OTOGL: variants seen among roughly 807,000 people sequenced by gnomAD.
OTOGL encodes the protein otogelin-like protein.
In OTOGL, 285 loss-of-function variants were observed where a neutral mutation model predicts 318.5. That is an observed-to-expected ratio of 0.89 (90% confidence interval 0.81 to 0.99). The LOEUF is 0.99. OTOGL is among the 50% of genes least tolerant of loss of function. OTOGL has a pLI of 0.00. For missense variants in OTOGL, 2,899 were observed against 2,845.6 expected, an observed-to-expected ratio of 1.02 and a Z score of -0.43; for synonymous variants, 987 against 936.5, an observed-to-expected ratio of 1.05 and a Z score of -0.99.
intron 23 of OTOGL, 37 bp downstream of exon 23, chr12:80,270,191 CA>C (rs1383048227): frequency 1.3e-6 from 2 of 1,515,050 alleles, no homozygotes; most frequent in East Asian, 4.5e-5. Flanking sequence ...AATGAGGGTT[CA>C]GCTCTGATAC....
chr12:80,243,787 A>T (rs898052070), intron 11 of OTOGL, among the ~76,000 whole-genome samples: 5 of 148,482 alleles, frequency 3.4e-5, no homozygotes, highest in African/African-American at 9.8e-5. Flanking sequence ...TAATAAACAC[A>T]TTTTATATAT....
intron 1 of OTOGL, among the ~76,000 whole-genome samples, chr12:80,103,652 C>G (rs989677102): frequency 6.6e-6 from 1 of 152,200 alleles, no homozygotes; most frequent in African/African-American, 2.4e-5. Flanking sequence ...CTGCTGTATA[C>G]GTACCACCTA....
intron 1 of OTOGL, among the ~76,000 whole-genome samples, chr12:80,186,138 G>T (rs1158592375): frequency 6.6e-6 from 1 of 152,066 alleles, no homozygotes; most frequent in Non-Finnish European, 1.5e-5. Context: ...CACATCTCAC[G>T]CTCTCTGAAG....
At chr12:80,169,005 C>G (rs961584133) in intron 1 of OTOGL, among the ~76,000 whole-genome samples, 1 of 152,166 alleles carries the variant, frequency 6.6e-6, no homozygotes, top group Non-Finnish European at 1.5e-5. Flanking sequence ...ACTGGTGGCT[C>G]AATCTCCTCA....
intron 38 of OTOGL, among the ~76,000 whole-genome samples, chr12:80,335,321 T>C (rs1351630689): frequency 6.6e-6 from 1 of 152,092 alleles, no homozygotes; most frequent in Non-Finnish European, 1.5e-5. Flanking sequence ...AATAATAGTA[T>C]CTACCTTAGA....
intron 54 of OTOGL, 48 bp downstream of exon 54, chr12:80,367,787 A>C: frequency 1.1e-5 from 14 of 1,245,368 alleles, no homozygotes; most frequent in Non-Finnish European, 1.3e-5. Flanking sequence ...TGCATTCAAA[A>C]ATGGCAGAGT....
intron 1 of OTOGL, among the ~76,000 whole-genome samples, chr12:80,187,078 C>G (rs2137252433): frequency 6.6e-6 from 1 of 152,242 alleles, no homozygotes; most frequent in Admixed American, 6.5e-5. Context: ...TGTGTAAACT[C>G]AGAGCTGGGG....
intron 26 of OTOGL, among the ~76,000 whole-genome samples, chr12:80,280,530 C>T (rs972727217): frequency 6.6e-6 from 1 of 151,926 alleles, no homozygotes; most frequent in Non-Finnish European, 1.5e-5. Context: ...CTGGTTATCC[C>T]AGCAGCATTT....
chr12:80,232,052 AG>A (rs757125523), intron 8 of OTOGL, among the ~76,000 whole-genome samples: 3 of 152,174 alleles, frequency 2.0e-5, no homozygotes, highest in Non-Finnish European at 4.4e-5. Context: ...AAAGTATTCT[AG>A]GTGCTTTTAA....
intron 38 of OTOGL, among the ~76,000 whole-genome samples, 164 bp downstream of exon 38, chr12:80,333,242 C>T (rs1048794247): frequency 6.6e-6 from 1 of 151,792 alleles, no homozygotes; most frequent in Non-Finnish European, 1.5e-5. Flanking sequence ...ACAATTGTAA[C>T]TGATATTTCT....
chr12:80,366,040 C>T (rs1179477978), intron 52 of OTOGL, among the ~76,000 whole-genome samples: 1 of 152,070 alleles, frequency 6.6e-6, no homozygotes, highest in Admixed American at 6.6e-5. Context: ...GAACTCTTTA[C>T]ATATATTGAT....
chr12:80,120,491 T>C (rs954698227), intron 1 of OTOGL, among the ~76,000 whole-genome samples: 2 of 152,166 alleles, frequency 1.3e-5, no homozygotes, highest in Admixed American at 1.3e-4. Flanking sequence ...AGCCCAGATT[T>C]TTCCACTACT....
intron 1 of OTOGL, among the ~76,000 whole-genome samples, chr12:80,204,928 T>A (rs1430930658): frequency 1.3e-5 from 2 of 152,118 alleles, no homozygotes; most frequent in African/African-American, 4.8e-5. Context: ...TCAACTTTGG[T>A]GGTAAAGGAT....
At chr12:80,128,131 T>G (rs1334105388) in intron 1 of OTOGL, among the ~76,000 whole-genome samples, 3 of 152,182 alleles carry the variant, frequency 2.0e-5, no homozygotes, top group Admixed American at 6.5e-5. Flanking sequence ...TTTTAGAATT[T>G]TCAGTTTTTC....
At chr12:80,141,866 TAGC>T (rs1871967740) in intron 1 of OTOGL, among the ~76,000 whole-genome samples, 1 of 152,270 alleles carries the variant, frequency 6.6e-6, no homozygotes, top group Middle Eastern at 3.4e-3. Flanking sequence ...ATTTTAAAAT[TAGC>T]AGCAGAATTC....
chr12:80,261,907 C>T, intron 18 of OTOGL, 62 bp from the exon 19 acceptor site: 3 of 1,536,088 alleles, frequency 2.0e-6, no homozygotes, highest in Middle Eastern at 1.7e-4. Context: ...ATTTAAATAT[C>T]TGAAGGTTAT....
chr12:80,103,426 C>T, intron 1 of OTOGL: 2 of 647,004 alleles, frequency 3.1e-6, no homozygotes, highest in South Asian at 1.9e-5. Context: ...CTTGCTGTCC[C>T]TATGCCAGAA....
At chr12:80,228,213 G>A (rs1461503722) in intron 7 of OTOGL, among the ~76,000 whole-genome samples, 3 of 152,088 alleles carry the variant, frequency 2.0e-5, no homozygotes, top group African/African-American at 7.2e-5. Context: ...GGCTGAGGTG[G>A]TTGGATCACT....
At chr12:80,157,018 T>C (rs899103857) in intron 1 of OTOGL, among the ~76,000 whole-genome samples, 6 of 152,194 alleles carry the variant, frequency 3.9e-5, no homozygotes, top group African/African-American at 1.2e-4. Flanking sequence ...ACCTCCAAAC[T>C]GTTCTCCATA....
Sources: allele counts gnomAD v4.1 joint callset (sites outside exome capture counted in the v4.1 genomes callset), GRCh38; gene constraint gnomAD v4.1.1; transcripts MANE v1.5; gene names NCBI Gene and HGNC (gene_info 2026-07-23, HGNC 2026-07-21).